RTN1: variants seen among roughly 807,000 people sequenced by gnomAD.
The protein encoded by RTN1 is reticulon-1.
RTN1 carries 25 observed loss-of-function variants against 65.5 expected under a neutral mutation model. The observed-to-expected ratio is 0.38, with a 90% confidence interval of 0.28 to 0.53. RTN1 has a LOEUF of 0.53. Among genes scored for constraint, RTN1 ranks in the 20% least tolerant of loss-of-function variants. RTN1 has a pLI of 0.79. For synonymous variants in RTN1, 471 were observed against 447.6 expected (o/e 1.05, Z -0.66); for missense variants, 983 against 1,025.4 (o/e 0.96, Z 0.57).
At chr14:59,824,131 C>A (rs146661105) in intron 1 of RTN1, among the ~76,000 whole-genome samples, 1 of 152,126 alleles carries the variant, frequency 6.6e-6, no homozygotes, top group African/African-American at 2.4e-5. Context: ...GAACCCAATA[C>A]CTGGATGTAG....
intron 3 of RTN1, among the ~76,000 whole-genome samples, chr14:59,689,296 T>C (rs576266542): frequency 7.9e-5 from 12 of 152,322 alleles, no homozygotes; most frequent in African/African-American, 2.4e-4. Flanking sequence ...CAAAGTCTTT[T>C]AGAAATATGG....
At position 59,596,265 on chromosome 14, in the gene RTN1, T is replaced by C. The variant is rs1881393429; in HGVS notation, c.*480A>G. On this transcript the variant is annotated 3_prime_UTR_variant, in exon 9 of 9. Coordinates refer to ENST00000267484, the MANE Select transcript of RTN1 (RefSeq NM_021136.3). ...GTCGACTGCTTTTATTTTTACGTTG[T>C]GTGTGTTGGAAAAATGCTAAAACAT... is the stretch of plus-strand genomic sequence containing the variant. 6.5e-6 allele frequency: 1 copy of C among 153,022 alleles called. No individual in the cohort carries two copies. The highest frequency in any genetic ancestry group is 1.5e-5 in the Non-Finnish European group (1 of 68,200). The allele number at this position is 153,022 out of a possible 1,614,324, so 9.5% of individuals were successfully genotyped here.
chr14:59,719,097 G>A (rs1884596905), intron 3 of RTN1, among the ~76,000 whole-genome samples: 1 of 152,136 alleles, frequency 6.6e-6, no homozygotes, highest in African/African-American at 2.4e-5. Flanking sequence ...GAATGCAAAG[G>A]AGGTCATGTC....
At chr14:59,602,995 C>G (rs537002540) in intron 8 of RTN1, 70 bp downstream of exon 8, 2 of 1,208,380 alleles carry the variant, frequency 1.7e-6, no homozygotes, top group East Asian at 4.7e-5. Context: ...TCTCATTACC[C>G]CTATCCTAAT....
chr14:59,596,545 C>T lies in RTN1; in HGVS notation c.*200G>A, dbSNP rs558977525. On this transcript the variant is annotated 3_prime_UTR_variant, in exon 9 of 9. Coordinates refer to ENST00000267484, the MANE Select transcript of RTN1 (RefSeq NM_021136.3). The stretch of plus-strand genomic sequence containing the variant: ...CACATCTAATACACTTTTCTCTATA[C>T]TTTAGTGGTTGACACAAGTGACTCA... 7 of 490,220 alleles carry T rather than the reference C, an allele frequency of 1.4e-5. No homozygotes were observed. The highest frequency in any genetic ancestry group is 2.6e-5 in the Non-Finnish European group (7 of 270,840). 30.4% of individuals were successfully genotyped at this position (490,220 alleles called of 1,614,324 possible).
At chr14:59,682,528 C>T (rs1025850743) in intron 3 of RTN1, among the ~76,000 whole-genome samples, 4 of 152,046 alleles carry the variant, frequency 2.6e-5, no homozygotes, top group African/African-American at 9.6e-5. Context: ...CAGCTTCTGG[C>T]GAAAGTAGAT....
intron 1 of RTN1, among the ~76,000 whole-genome samples, chr14:59,781,913 C>A (rs1018355508): frequency 7.9e-5 from 12 of 152,006 alleles, no homozygotes; most frequent in African/African-American, 2.7e-4. Flanking sequence ...GATCCTGTGA[C>A]CTGTATGTTT....
chr14:59,691,077 A>C (rs1883951085), intron 3 of RTN1, among the ~76,000 whole-genome samples: 1 of 152,166 alleles, frequency 6.6e-6, no homozygotes, highest in South Asian at 2.1e-4. Context: ...GAAAAGAAAT[A>C]ACTAAAATCA....
chr14:59,854,625 G>A (rs67039607), intron 1 of RTN1, among the ~76,000 whole-genome samples: 29,747 of 120,158 alleles, frequency 0.25, 3,583 homozygotes, highest in East Asian at 0.52. Context: ...TGGAGACAGA[G>A]CAAGACTGCG....
intron 3 of RTN1, among the ~76,000 whole-genome samples, chr14:59,655,652 G>A (rs940083028): frequency 1.3e-5 from 2 of 152,250 alleles, no homozygotes; most frequent in Non-Finnish European, 2.9e-5. Flanking sequence ...AGAATCAAGA[G>A]TCTAGAATTA....
chr14:59,659,682 G>A (rs957037907), intron 3 of RTN1, among the ~76,000 whole-genome samples: 1 of 152,170 alleles, frequency 6.6e-6, no homozygotes, highest in Non-Finnish European at 1.5e-5. Context: ...TTACAGACAA[G>A]CAAATGCTGA....
At chr14:59,761,402 G>T (rs1885745589) in intron 1 of RTN1, among the ~76,000 whole-genome samples, 2 of 152,134 alleles carry the variant, frequency 1.3e-5, no homozygotes, top group South Asian at 4.1e-4. Flanking sequence ...TCCCCATTTT[G>T]CTCAGTCCTT....
At chr14:59,615,266 G>A (rs777130109) in intron 3 of RTN1, among the ~76,000 whole-genome samples, 3 of 152,046 alleles carry the variant, frequency 2.0e-5, no homozygotes, top group Admixed American at 6.6e-5. Context: ...CCTGACCAAC[G>A]TGGAGAAACC....
chr14:59,702,722 T>G (rs1884206341), intron 3 of RTN1, among the ~76,000 whole-genome samples: 1 of 152,238 alleles, frequency 6.6e-6, no homozygotes, highest in Non-Finnish European at 1.5e-5. Flanking sequence ...TTCTTACTTC[T>G]GCCCTGGTCT....
intron 1 of RTN1, among the ~76,000 whole-genome samples, chr14:59,764,728 A>T (rs1474000470): frequency 6.6e-6 from 1 of 152,196 alleles, no homozygotes; most frequent in Non-Finnish European, 1.5e-5. Context: ...TCAGGAAACA[A>T]CAACAGATAT....
At chr14:59,661,533 C>A (rs1270993318) in intron 3 of RTN1, among the ~76,000 whole-genome samples, 1 of 152,150 alleles carries the variant, frequency 6.6e-6, no homozygotes, top group Non-Finnish European at 1.5e-5. Context: ...TCCAGCAGCA[C>A]ATCAAAAAGC....
chr14:59,780,583 G>C (rs1886136324), intron 1 of RTN1, among the ~76,000 whole-genome samples: 1 of 152,200 alleles, frequency 6.6e-6, no homozygotes, highest in African/African-American at 2.4e-5. Context: ...GCTACAGAAA[G>C]CAAGAGCCAA....
At chr14:59,718,541 A>T (rs1224979879) in intron 3 of RTN1, among the ~76,000 whole-genome samples, 4 of 152,160 alleles carry the variant, frequency 2.6e-5, no homozygotes, top group Non-Finnish European at 5.9e-5. Flanking sequence ...TAAGGGTCTT[A>T]TTTAACCTCC....
At chr14:59,807,780 C>A (rs1886663485) in intron 1 of RTN1, among the ~76,000 whole-genome samples, 1 of 152,162 alleles carries the variant, frequency 6.6e-6, no homozygotes, top group African/African-American at 2.4e-5. Context: ...AATGACCAGA[C>A]AAGTTATGGA....
Sources: allele counts gnomAD v4.1 joint callset (sites outside exome capture counted in the v4.1 genomes callset), GRCh38; gene constraint gnomAD v4.1.1; transcripts MANE v1.5; gene names NCBI Gene and HGNC (gene_info 2026-07-23, HGNC 2026-07-21).